DERA: variants seen among roughly 807,000 people sequenced by gnomAD.
The protein encoded by DERA is 2-deoxy-D-ribose 5-phosphate aldolase.
Under a neutral mutation model 41.1 loss-of-function variants are expected in DERA, and 15 were observed. The ratio of observed to expected loss-of-function variants is 0.37; its 90% CI spans 0.24 to 0.56. The LOEUF (loss-of-function observed/expected upper bound fraction) is 0.56, where lower values mean the gene tolerates loss of function less well. Ranked by LOEUF, DERA falls within the 20% of genes least tolerant of loss-of-function variation. DERA has a pLI of 0.81. For synonymous variants in DERA, 139 were observed against 137.4 expected (o/e 1.01, Z -0.08); for missense variants, 396 against 403.4 (o/e 0.98, Z 0.16).
rs959758976 is a variant in DERA at position 16,000,597 on chromosome 12, G to A, written c.637+18161G>A. On this transcript the variant is annotated intron_variant, in intron 6 of 8. Coordinates refer to ENST00000428559, the MANE Select transcript of DERA (RefSeq NM_015954.4). The surrounding 1 kb of genome is among the most constrained non-coding windows in gnomAD (Gnocchi z 4.8). Reference sequence around the variant, plus strand: ...ATTGAAAGTAAGTTTCCTATGTTACGCGGCTGCTAAATTGGCCAGGGACAA... The same window carrying A: ...ATTGAAAGTAAGTTTCCTATGTTACACGGCTGCTAAATTGGCCAGGGACAA... 6.6e-6 allele frequency among the ~76,000 whole-genome samples: 1 copy of A among 152,098 alleles called. No individual in the cohort carries two copies. The highest frequency in any genetic ancestry group is 6.5e-5 in the Admixed American group (1 of 15,272).
Position 16,003,669 on chromosome 12 carries a change from A to G in DERA, c.637+21233A>G, listed in dbSNP as rs1224522699. Among the ~76,000 whole-genome samples the G allele has an allele frequency of 6.6e-6, 1 of 152,114 alleles. No individual in the cohort carries two copies. Among genetic ancestry groups the G allele is most frequent in the Admixed American group, 6.5e-5 (1 of 15,274 alleles). ...ATGTAAGAAAAACAGGTGAGTTTGCATTTGTTGGGGGAGCGCCAGGAAACA... is the reference window on the plus strand; with the variant it reads ...ATGTAAGAAAAACAGGTGAGTTTGCGTTTGTTGGGGGAGCGCCAGGAAACA... On this transcript the variant is annotated intron_variant, in intron 6 of 8. Coordinates refer to ENST00000428559, the MANE Select transcript of DERA (RefSeq NM_015954.4). The surrounding 1 kb of genome is among the most constrained non-coding windows in gnomAD (Gnocchi z 4.8).
At chr12:15,948,576 G>C (rs931510724) in intron 1 of DERA, among the ~76,000 whole-genome samples, 4 of 152,104 alleles carry the variant, frequency 2.6e-5, no homozygotes, top group Non-Finnish European at 5.9e-5. Context: ...TCTCTACACT[G>C]GTTATTCTAG....
At chr12:15,971,484 A>G (rs1948659240) in intron 5 of DERA, among the ~76,000 whole-genome samples, 1 of 150,268 alleles carries the variant, frequency 6.7e-6, no homozygotes, top group African/African-American at 2.4e-5. Flanking sequence ...TCGTCACTGA[A>G]GAGGCCATCT....
At chr12:15,946,027 C>T (rs956861371) in intron 1 of DERA, among the ~76,000 whole-genome samples, 3 of 152,180 alleles carry the variant, frequency 2.0e-5, no homozygotes, top group Non-Finnish European at 4.4e-5. Context: ...TGCTGGATTA[C>T]ATTTATTGAT....
chr12:15,949,405 C>A (rs1343436433), intron 1 of DERA, among the ~76,000 whole-genome samples: 2 of 152,164 alleles, frequency 1.3e-5, no homozygotes, highest in African/African-American at 4.8e-5. Context: ...ATGGCAGGCA[C>A]CCCTCCCCCA....
Position 15,933,883 on chromosome 12 carries a change from A to G in DERA, c.31+22469A>G, listed in dbSNP as rs898007029. ...GTTTCCTGCTTTGTTCTATACTGTTATGCCCTATATTTAGCACTGCTGCTC... is the reference window on the plus strand; with the variant it reads ...GTTTCCTGCTTTGTTCTATACTGTTGTGCCCTATATTTAGCACTGCTGCTC... On this transcript the variant is annotated intron_variant, in intron 1 of 8. Transcript: ENST00000428559. Among the ~76,000 whole-genome samples the G allele has an allele frequency of 4.6e-5, 7 of 152,180 alleles. No homozygotes were observed. The South Asian group carries it at 6.2e-4, about 14-fold the overall frequency.
At chr12:16,031,551 C>T (rs1167914717) in intron 6 of DERA, among the ~76,000 whole-genome samples, 1 of 152,178 alleles carries the variant, frequency 6.6e-6, no homozygotes, top group Admixed American at 6.5e-5. Flanking sequence ...TTAACAACCT[C>T]TGGTAGTGCC....
chr12:16,008,094 C>G lies in DERA; in HGVS notation c.638-24448C>G, dbSNP rs1286732508. 6.6e-6 allele frequency among the ~76,000 whole-genome samples: 1 copy of G among 152,212 alleles called. No homozygotes were observed. Among genetic ancestry groups the G allele is most frequent in the Non-Finnish European group, 1.5e-5 (1 of 68,028 alleles). On this transcript the variant is annotated intron_variant, in intron 6 of 8. Coordinates refer to ENST00000428559, the MANE Select transcript of DERA (RefSeq NM_015954.4). The surrounding 1 kb of genome is among the most constrained non-coding windows in gnomAD (Gnocchi z 4.8). ...TCTTGAACTCGTGGCCTCAGGTGATCTGCCTGCCTTGGCCTCCCAAAGTGC... is the reference window on the plus strand; with the variant it reads ...TCTTGAACTCGTGGCCTCAGGTGATGTGCCTGCCTTGGCCTCCCAAAGTGC...
In DERA at chr12:15,957,639, G is replaced by A. The variant is rs1948550407; in HGVS notation, c.130-549G>A. ...TGAATCCTTGAGAGTGATAGTTCAC[G>A]TTTTGCTCATCCTTAGAAATATTCT... is the stretch of plus-strand genomic sequence containing the variant. On this transcript the variant is annotated intron_variant, in intron 2 of 8. Coordinates refer to ENST00000428559, the MANE Select transcript of DERA (RefSeq NM_015954.4). The surrounding 1 kb of genome is among the most constrained non-coding windows in gnomAD (Gnocchi z 4.8). Among the ~76,000 whole-genome samples the A allele has an allele frequency of 6.6e-6, 1 of 152,122 alleles. No homozygotes were observed. The highest frequency in any genetic ancestry group is 6.5e-5 in the Admixed American group (1 of 15,270).
chr12:15,973,480 T>C (rs1450277808), intron 5 of DERA, among the ~76,000 whole-genome samples: 1 of 152,214 alleles, frequency 6.6e-6, no homozygotes, highest in African/African-American at 2.4e-5. Context: ...CCAGTTTTCA[T>C]AATGTTTGAA....
rs1476594016 is a variant in DERA at position 16,004,833 on chromosome 12, T to C, written c.637+22397T>C. Among the ~76,000 whole-genome samples the C allele has an allele frequency of 6.6e-6, 1 of 152,192 alleles. No individual in the cohort carries two copies. Among genetic ancestry groups the C allele is most frequent in the Admixed American group, 6.5e-5 (1 of 15,278 alleles). ...TTTCCAAAATCAAGGTTAGGAACCA[T>C]TGATTTATAAAGATCGTCTGCATAT... On this transcript the variant is annotated intron_variant, in intron 6 of 8. Coordinates refer to ENST00000428559, the MANE Select transcript of DERA (RefSeq NM_015954.4). The surrounding 1 kb of genome is among the most constrained non-coding windows in gnomAD (Gnocchi z 4.2).
chr12:16,032,482 C>T, intron 6 of DERA, 60 bp from the exon 7 acceptor site: 1 of 978,228 alleles, frequency 1.0e-6, no homozygotes, highest in Non-Finnish European at 1.5e-6. Flanking sequence ...CTCCCACTGA[C>T]TCAAAAGTGT....
Position 16,003,445 on chromosome 12 carries a change from G to T in DERA, c.637+21009G>T, listed in dbSNP as rs1948889361. Among the ~76,000 whole-genome samples the T allele has an allele frequency of 6.6e-6, 1 of 152,170 alleles. No individual in the cohort carries two copies. Among genetic ancestry groups the T allele is most frequent in the Non-Finnish European group, 1.5e-5 (1 of 68,026 alleles). On this transcript the variant is annotated intron_variant, in intron 6 of 8. Coordinates refer to ENST00000428559, the MANE Select transcript of DERA (RefSeq NM_015954.4). The surrounding 1 kb of genome is among the most constrained non-coding windows in gnomAD (Gnocchi z 4.8). ...AATCCACAACAAATGAGTTCAAAAT[G>T]AGGAAAGCAAAACTGGAGTTCAGAG... is the stretch of plus-strand genomic sequence containing the variant.
At position 15,966,670 on chromosome 12, in the gene DERA, C is replaced by T. The variant is rs74065515; in HGVS notation, c.508+3723C>T. 0.029 allele frequency among the ~76,000 whole-genome samples: 4,435 copies of T among 152,100 alleles called. 218 individuals are homozygous for T. The highest frequency in any genetic ancestry group is 0.1 in the African/African-American group (4,217 of 41,460). ...TTGTTGTGGCTTTGGTGCCTACATT[C>T]CTGAGGTCTTCCTTTCTGTTTCTGA... On this transcript the variant is annotated intron_variant, in intron 5 of 8. Transcript: ENST00000428559. The surrounding 1 kb of genome is among the most constrained non-coding windows in gnomAD (Gnocchi z 5.1).
rs1251161295 is a variant in DERA, at chr12:16,021,487, T to A, written c.638-11055T>A. Among the ~76,000 whole-genome samples, 1 of 152,184 alleles carries A rather than the reference T, an allele frequency of 6.6e-6. No individual in the cohort carries two copies. The highest frequency in any genetic ancestry group is 2.4e-5 in the African/African-American group (1 of 41,442). ...AGGCAGGGATTCTCTACTAAGGCAG[T>A]GCTGAAGGGAAATGTAGGGTGGAGC... On this transcript the variant is annotated intron_variant, in intron 6 of 8. Transcript: ENST00000428559. This position sits in a 1 kb window ranked among gnomAD's most constrained non-coding sequence, Gnocchi z 5.3.
In DERA at chr12:15,996,157, ATGTGTG is replaced by A. The variant is rs34468299; in HGVS notation, c.637+13751_637+13756del. Among the ~76,000 whole-genome samples, 189 of 145,128 alleles carry A rather than the reference ATGTGTG, an allele frequency of 1.3e-3. 1 individual carries two copies. The highest frequency in any genetic ancestry group is 6.0e-3 in the South Asian group (26 of 4,354). ...GCAGACACAGACACACACACAGAGCATGTGTGTGTGTGTGTGTGTGTGTGTGTGTGT... is the reference window on the plus strand; with the variant it reads ...GCAGACACAGACACACACACAGAGCATGTGTGTGTGTGTGTGTGTGTGTGT... On this transcript the variant is annotated intron_variant, in intron 6 of 8. Coordinates refer to ENST00000428559, the MANE Select transcript of DERA (RefSeq NM_015954.4). The surrounding 1 kb of genome is among the most constrained non-coding windows in gnomAD (Gnocchi z 4.7).
rs1429319556 is a variant in DERA at position 15,915,711 on chromosome 12, A to G, written c.31+4297A>G. Among the ~76,000 whole-genome samples the G allele has an allele frequency of 5.3e-5, 8 of 152,242 alleles. No individual in the cohort carries two copies. Among genetic ancestry groups the G allele is most frequent in the Non-Finnish European group, 1.2e-4 (8 of 68,046 alleles). On this transcript the variant is annotated intron_variant, in intron 1 of 8. Transcript: ENST00000428559. The surrounding 1 kb of genome is among the most constrained non-coding windows in gnomAD (Gnocchi z 4.8). ...CTGTGCTTAGGTGCTGGGTATAATGATAGTGTCAACACAGAGCTCTAGCTA... is the reference window on the plus strand; with the variant it reads ...CTGTGCTTAGGTGCTGGGTATAATGGTAGTGTCAACACAGAGCTCTAGCTA...
chr12:15,958,483 C>A, intron 3 of DERA, 148 bp downstream of exon 3: 3 of 377,902 alleles, frequency 7.9e-6, no homozygotes, highest in Non-Finnish European at 4.4e-6. Context: ...ACAGATTCTT[C>A]TCTGAAAAAC....
rs951264092 is a variant in DERA at position 15,988,174 on chromosome 12, C to T, written c.637+5738C>T. Reference sequence around the variant, plus strand: ...CTGGGGGAGCCCTGAGTTCTGGGCTCCCAGAAGGGCCGCAGCTCCTTCTTC... The same window carrying T: ...CTGGGGGAGCCCTGAGTTCTGGGCTTCCAGAAGGGCCGCAGCTCCTTCTTC... On this transcript the variant is annotated intron_variant, in intron 6 of 8. Transcript: ENST00000428559. The surrounding 1 kb of genome is among the most constrained non-coding windows in gnomAD (Gnocchi z 6.0). Among the ~76,000 whole-genome samples, 6 of 152,152 alleles carry T rather than the reference C, an allele frequency of 3.9e-5. No individual in the cohort carries two copies. Among genetic ancestry groups the T allele is most frequent in the Non-Finnish European group, 7.4e-5 (5 of 68,018 alleles).
Sources: allele counts gnomAD v4.1 joint callset (sites outside exome capture counted in the v4.1 genomes callset), GRCh38; gene constraint gnomAD v4.1.1; non-coding constraint Gnocchi (gnomAD v3.1); transcripts MANE v1.5; gene names NCBI Gene and HGNC (gene_info 2026-07-23, HGNC 2026-07-21).